CNTN5: variants seen among roughly 807,000 people sequenced by gnomAD.
CNTN5 encodes contactin-5.
CNTN5 carries 77 observed loss-of-function variants against 129.1 expected under a neutral mutation model. The observed-to-expected ratio is 0.60, with a 90% CI of 0.50 to 0.72. The LOEUF (loss-of-function observed/expected upper bound fraction) is 0.72, where lower values mean the gene tolerates loss of function less well. Ranked by LOEUF, CNTN5 falls within the 30% of genes least tolerant of loss-of-function variation. The probability of loss-of-function intolerance (pLI) is 0.00; values close to 1 mark genes in which losing one functional copy is unlikely to be tolerated. For synonymous variants in CNTN5, 509 were observed against 465.6 expected (o/e 1.09, Z -1.20); for missense variants, 1,478 against 1,328.8 (o/e 1.11, Z -1.75).
intron 10 of CNTN5, among the ~76,000 whole-genome samples, chr11:100,063,393 A>T (rs997492287): frequency 2.0e-5 from 3 of 151,904 alleles, no homozygotes; most frequent in African/African-American, 4.8e-5. Context: ...AAAAAAAAAA[A>T]TCTAGATTGT....
intron 2 of CNTN5, among the ~76,000 whole-genome samples, chr11:99,500,473 A>G (rs995518734): frequency 6.6e-6 from 1 of 152,160 alleles, no homozygotes; most frequent in Non-Finnish European, 1.5e-5. Flanking sequence ...TATTTCCAGA[A>G]AAATGTTTAT....
chr11:99,301,978 C>A (rs138984654), intron 1 of CNTN5, among the ~76,000 whole-genome samples: 1 of 150,876 alleles, frequency 6.6e-6, no homozygotes, highest in Non-Finnish European at 1.5e-5. Context: ...TAAAAAAACC[C>A]GTGGGCCAAA....
intron 2 of CNTN5, among the ~76,000 whole-genome samples, chr11:99,473,448 C>T (rs1945251254): frequency 6.6e-6 from 1 of 152,038 alleles, no homozygotes; most frequent in Non-Finnish European, 1.5e-5. Flanking sequence ...TCAGAGTTTG[C>T]AAATTTTGGC....
intron 16 of CNTN5, among the ~76,000 whole-genome samples, chr11:100,247,301 A>G (rs1949861854): frequency 6.6e-6 from 1 of 152,206 alleles, no homozygotes; most frequent in African/African-American, 2.4e-5. Flanking sequence ...ATAGACAGAT[A>G]ATAAAAGTTG....
rs192641988 is a variant in CNTN5, at chr11:99,776,491, G to A, written c.56-43053G>A. On this transcript the variant is annotated intron_variant, in intron 3 of 24. Transcript: ENST00000524871. ...TTGGGAAAAGAAAGTGGCTATTAAT[G>A]ACTTACATAACTCATACTGAGCTTA... Among the ~76,000 whole-genome samples, 320 of 151,452 alleles carry A rather than the reference G, an allele frequency of 2.1e-3. 2 individuals are homozygous for A. The highest frequency in any genetic ancestry group is 7.5e-3 in the African/African-American group (310 of 41,284).
In CNTN5 at chr11:99,107,885, C is replaced by T. The variant is rs559526571; in HGVS notation, c.-210+86615C>T. 4.0e-3 allele frequency among the ~76,000 whole-genome samples: 586 copies of T among 145,204 alleles called. 1 individual carries two copies. Among genetic ancestry groups the T allele is most frequent in the Non-Finnish European group, 5.3e-3 (358 of 67,198 alleles). ...GGCAGAGGTTGCAGTGAGCCAAGAT[C>T]GCACCACTGCACTCCAGCCTGGGCA... On this transcript the variant is annotated intron_variant, in intron 1 of 24. Coordinates refer to ENST00000524871, the MANE Select transcript of CNTN5 (RefSeq NM_014361.4).
intron 1 of CNTN5, among the ~76,000 whole-genome samples, chr11:99,042,568 G>T (rs1157611367): frequency 2.6e-5 from 4 of 151,566 alleles, no homozygotes; most frequent in Admixed American, 2.6e-4. Context: ...GTAGAGACGG[G>T]GTTTCACTGT....
At chr11:100,173,627 G>A (rs1243939256) in intron 13 of CNTN5, among the ~76,000 whole-genome samples, 1 of 152,144 alleles carries the variant, frequency 6.6e-6, no homozygotes, top group Non-Finnish European at 1.5e-5. Flanking sequence ...AATGGTAGAG[G>A]TGGTAGTTGA....
intron 1 of CNTN5, among the ~76,000 whole-genome samples, chr11:99,033,912 A>T (rs1204959607): frequency 6.6e-6 from 1 of 150,666 alleles, no homozygotes; most frequent in East Asian, 1.9e-4. Flanking sequence ...GGTTTGTCAT[A>T]GATAGCTCTT....
chr11:100,206,668 G>T (rs771880450), intron 15 of CNTN5, among the ~76,000 whole-genome samples: 21 of 151,860 alleles, frequency 1.4e-4, no homozygotes, highest in Admixed American at 1.3e-3. Context: ...ATTTTTTTTC[G>T]TGAGGCTGCT....
intron 8 of CNTN5, among the ~76,000 whole-genome samples, chr11:99,993,620 C>T (rs1939263537): frequency 6.6e-6 from 1 of 152,052 alleles, no homozygotes; most frequent in Non-Finnish European, 1.5e-5. Flanking sequence ...CTAATGCTGC[C>T]ACTGATCTGA....
rs1279517600 is a variant in CNTN5, at chr11:99,922,749, A to G, written c.673+6600A>G. On this transcript the variant is annotated intron_variant, in intron 7 of 24. Transcript: ENST00000524871. Reference sequence around the variant, plus strand: ...CAAGTAGATTATATGTTCTTTCAGTATATGAAGCTTACCACCTTCCACTTC... The same window carrying G: ...CAAGTAGATTATATGTTCTTTCAGTGTATGAAGCTTACCACCTTCCACTTC... Among the ~76,000 whole-genome samples the G allele has an allele frequency of 3.3e-5, 5 of 152,210 alleles. No homozygotes were observed. In the East Asian group the frequency reaches 9.6e-4, roughly 29 times the overall value.
chr11:100,106,711 C>T (rs1430547242), intron 13 of CNTN5, among the ~76,000 whole-genome samples: 1 of 152,034 alleles, frequency 6.6e-6, no homozygotes, highest in Non-Finnish European at 1.5e-5. Flanking sequence ...GAAGACTATC[C>T]AGATTTGACT....
intron 13 of CNTN5, among the ~76,000 whole-genome samples, chr11:100,130,152 C>T (rs181882554): frequency 5.9e-5 from 9 of 152,194 alleles, no homozygotes; most frequent in East Asian, 5.8e-4. Context: ...CATTGATATC[C>T]GCATATTCTT....
rs1389125978 is a variant in CNTN5 at position 99,938,514 on chromosome 11, A to G, written c.674-18292A>G. Among the ~76,000 whole-genome samples, 5 of 152,134 alleles carry G rather than the reference A, an allele frequency of 3.3e-5. No homozygotes were observed. In the East Asian group the frequency reaches 5.8e-4, roughly 18 times the overall value. ...ATCATGGCACATAATGGGAAGTACA[A>G]GAAGCCGGTAATAGTTCTGAATTAT... On this transcript the variant is annotated intron_variant, in intron 7 of 24. Transcript: ENST00000524871.
chr11:99,992,455 T>C (rs374454403), intron 8 of CNTN5, among the ~76,000 whole-genome samples: 3 of 152,194 alleles, frequency 2.0e-5, no homozygotes, highest in East Asian at 3.8e-4. Flanking sequence ...TAGTCAGTTA[T>C]ACTCTAATCC....
At chr11:99,482,771 T>C (rs1945650861) in intron 2 of CNTN5, among the ~76,000 whole-genome samples, 1 of 152,092 alleles carries the variant, frequency 6.6e-6, no homozygotes, top group Non-Finnish European at 1.5e-5. Flanking sequence ...GCATGTTCCA[T>C]GAAAGAAATA....
At chr11:99,962,038 T>C (rs1950961091) in intron 8 of CNTN5, among the ~76,000 whole-genome samples, 4 of 152,178 alleles carry the variant, frequency 2.6e-5, no homozygotes, top group Admixed American at 2.6e-4. Flanking sequence ...TAATAGTTAC[T>C]GTTGAAAATT....
intron 3 of CNTN5, among the ~76,000 whole-genome samples, chr11:99,609,815 A>T (rs1031134441): frequency 6.6e-6 from 1 of 152,134 alleles, no homozygotes; most frequent in Non-Finnish European, 1.5e-5. Context: ...CTCTGGCTCA[A>T]CTGTTTACTG....
Sources: allele counts gnomAD v4.1 joint callset (sites outside exome capture counted in the v4.1 genomes callset), GRCh38; gene constraint gnomAD v4.1.1; transcripts MANE v1.5; gene names NCBI Gene and HGNC (gene_info 2026-07-23, HGNC 2026-07-21).